Variants in PSMD1 observed in about 807,000 individuals in gnomAD.
PSMD1 encodes proteasome 26S subunit, non-ATPase 1, also known as 26S proteasome non-ATPase regulatory subunit 1.
Under a neutral mutation model 119.0 loss-of-function variants are expected in PSMD1, and 18 were observed. The observed-to-expected ratio is 0.15, with a 90% CI of 0.10 to 0.22. PSMD1 has a LOEUF of 0.22. Ranked by LOEUF, PSMD1 falls within the 10% of genes least tolerant of loss-of-function variation. The probability of loss-of-function intolerance (pLI) is 1.00; values close to 1 mark genes in which losing one functional copy is unlikely to be tolerated. For missense variants in PSMD1, 702 were observed against 1,158.5 expected, an observed-to-expected ratio of 0.61 and a Z score of 5.72; for synonymous variants, 374 against 396.6, an observed-to-expected ratio of 0.94 and a Z score of 0.68.
At chr2:231,108,591 T>C (rs1294287126) in intron 16 of PSMD1, 2 of 1,614,022 alleles carry the variant, frequency 1.2e-6, no homozygotes, top group East Asian at 4.5e-5. Flanking sequence ...AGTAGAATGA[T>C]TGATGAAGAC....
intron 8 of PSMD1, among the ~76,000 whole-genome samples, chr2:231,076,065 T>TGA (rs1375686839): frequency 6.6e-6 from 1 of 152,224 alleles, no homozygotes; most frequent in African/African-American, 2.4e-5. Context: ...GTTTTAAAAA[T>TGA]TGATCCGAAG....
intron 16 of PSMD1, among the ~76,000 whole-genome samples, chr2:231,126,841 C>T (rs1695732508): frequency 6.6e-6 from 1 of 151,824 alleles, no homozygotes; most frequent in Admixed American, 6.6e-5. Context: ...ATTTGGCAAT[C>T]TCAAGTTATG....
intron 1 of PSMD1, among the ~76,000 whole-genome samples, chr2:231,059,276 A>G (rs1693698014): frequency 6.6e-6 from 1 of 152,120 alleles, no homozygotes; most frequent in African/African-American, 2.4e-5. Flanking sequence ...TTCTGTTCCA[A>G]ATCTTTTGTC....
chr2:231,085,987 A>T (rs1405264325), intron 15 of PSMD1, among the ~76,000 whole-genome samples: 1 of 152,004 alleles, frequency 6.6e-6, no homozygotes, highest in Non-Finnish European at 1.5e-5. Flanking sequence ...AGTATGTTCT[A>T]AATGTTCATA....
At chr2:231,160,483 G>C (rs1195521735) in intron 19 of PSMD1, among the ~76,000 whole-genome samples, 1 of 152,134 alleles carries the variant, frequency 6.6e-6, no homozygotes, top group Non-Finnish European at 1.5e-5. Context: ...AAAAGACCAA[G>C]AGTCAGAACA....
At chr2:231,089,761 A>G (rs1038024702) in intron 16 of PSMD1, among the ~76,000 whole-genome samples, 2 of 152,178 alleles carry the variant, frequency 1.3e-5, no homozygotes, top group African/African-American at 2.4e-5. Flanking sequence ...CCAGCACAGG[A>G]GAAGGATGTA....
intron 20 of PSMD1, 103 bp downstream of exon 20, chr2:231,161,612 T>G: frequency 8.5e-7 from 1 of 1,178,338 alleles, no homozygotes; most frequent in Non-Finnish European, 1.2e-6. Flanking sequence ...TAAAGATGAG[T>G]TAACATCTTA....
At position 231,057,098 on chromosome 2, in the gene PSMD1, T is replaced by C. The variant is rs1283150326; in HGVS notation, c.16+57T>C. 4.1e-6 allele frequency: 6 copies of C among 1,471,418 alleles called. No individual in the cohort carries two copies. The East Asian group carries it at 1.1e-4, about 27-fold the overall frequency. The allele number at this position is 1,471,418 out of a possible 1,614,324, so 91.1% of individuals were successfully genotyped here. A position where few individuals can be genotyped will look rare whatever the true frequency, so the allele number is the denominator to read the frequency against. The stretch of plus-strand genomic sequence containing the variant: ...GAGGAGCCGCCGCCGCGCCGGCTTT[T>C]AGCTGAGTCAGGGCCGGTGACTGGG... On this transcript the variant is annotated intron_variant, in intron 1 of 24. Coordinates refer to ENST00000308696, the MANE Select transcript of PSMD1 (RefSeq NM_002807.4).
At chr2:231,143,014 C>G (rs1467963635) in intron 17 of PSMD1, among the ~76,000 whole-genome samples, 2 of 152,022 alleles carry the variant, frequency 1.3e-5, no homozygotes, top group Non-Finnish European at 2.9e-5. Context: ...GAGAAACATC[C>G]TACCAAATTA....
chr2:231,070,441 A>G (rs1393467604), intron 6 of PSMD1, among the ~76,000 whole-genome samples: 1 of 152,118 alleles, frequency 6.6e-6, no homozygotes, highest in Non-Finnish European at 1.5e-5. Context: ...ATTTAAGGAA[A>G]TTTTTAGAAA....
intron 11 of PSMD1, 114 bp downstream of exon 11, chr2:231,079,728 A>G (rs1199820858): frequency 4.8e-6 from 3 of 622,268 alleles, no homozygotes; most frequent in African/African-American, 1.9e-5. Context: ...GTTAAGTCAG[A>G]TAAGTCATTT....
intron 16 of PSMD1, among the ~76,000 whole-genome samples, chr2:231,089,594 G>GATATATATATAT (rs140932102): frequency 7.0e-6 from 1 of 143,122 alleles, no homozygotes; most frequent in African/African-American, 2.7e-5. Context: ...GAATTAATAG[G>GATATATATATAT]ATATATATAT....
intron 19 of PSMD1, among the ~76,000 whole-genome samples, chr2:231,157,156 AG>A (rs1245678886): frequency 1.3e-5 from 2 of 152,046 alleles, no homozygotes; most frequent in African/African-American, 4.8e-5. Flanking sequence ...CCACTACCAC[AG>A]TTTTTTGCTG....
Position 231,085,008 on chromosome 2 carries a change from A to G in PSMD1, c.1723-11A>G, listed in dbSNP as rs753029370. 6.2e-7 allele frequency: 1 copy of G among 1,601,482 alleles called. No individual in the cohort carries two copies. The highest frequency in any genetic ancestry group is 8.6e-7 in the Non-Finnish European group (1 of 1,168,618). On this transcript the variant is annotated splice_polypyrimidine_tract_variant and intron_variant, in intron 14 of 24. Coordinates refer to ENST00000308696, the MANE Select transcript of PSMD1 (RefSeq NM_002807.4). ...ATAAGTTGATGATTAATGTTAAATT[A>G]TTTTTCTTAGGACCCAATTCTTCGA...
chr2:231,058,244 A>G (rs1235051086), intron 1 of PSMD1, among the ~76,000 whole-genome samples: 7 of 152,164 alleles, frequency 4.6e-5, no homozygotes, highest in African/African-American at 2.4e-5. Context: ...TTTCAAATCC[A>G]TCCATTACCA....
At chr2:231,087,737 C>T (rs1035530308) in intron 16 of PSMD1, among the ~76,000 whole-genome samples, 3 of 151,984 alleles carry the variant, frequency 2.0e-5, no homozygotes, top group Non-Finnish European at 2.9e-5. Flanking sequence ...CCGAGGAAGG[C>T]GGATCACGAA....
chr2:231,168,672 G>C (rs886289143), intron 23 of PSMD1, among the ~76,000 whole-genome samples: 1 of 152,194 alleles, frequency 6.6e-6, no homozygotes, highest in African/African-American at 2.4e-5. Flanking sequence ...GGCTGCTACT[G>C]GGCCCACAGT....
At chr2:231,083,864 A>T in intron 14 of PSMD1, 101 bp downstream of exon 14, 1 of 1,156,310 alleles carries the variant, frequency 8.6e-7, no homozygotes, top group African/African-American at 1.6e-5. Flanking sequence ...ACATGTAGGT[A>T]CACTTATTCA....
chr2:231,097,990 T>G lies in PSMD1; in HGVS notation c.1883+10809T>G, dbSNP rs1051055279. On this transcript the variant is annotated intron_variant, in intron 16 of 24. Transcript: ENST00000308696. Reference sequence around the variant, plus strand: ...AAATTCTTAAGCTCACTGCATCCCTTCAGGTCTCCAAGGAATGCTAAGTTT... The same window carrying G: ...AAATTCTTAAGCTCACTGCATCCCTGCAGGTCTCCAAGGAATGCTAAGTTT... Among the ~76,000 whole-genome samples the G allele has an allele frequency of 3.3e-5, 5 of 152,304 alleles. No homozygotes were observed. In the East Asian group the frequency reaches 5.8e-4, roughly 18 times the overall value.
Sources: gnomAD v4.1 joint callset for allele counts (sites outside exome capture counted in the v4.1 genomes callset) on GRCh38, gnomAD v4.1.1 for gene constraint, MANE v1.5 for transcripts, NCBI Gene and HGNC (gene_info 2026-07-23, HGNC 2026-07-21) for gene names.